The following FAM117B variants were observed in gnomAD, a reference collection of about 807,000 sequenced individuals.
The protein encoded by FAM117B is family with sequence similarity 117 member B.
In FAM117B, 22 loss-of-function variants were observed where a neutral mutation model predicts 52.8. That is an observed-to-expected ratio of 0.42 (90% confidence interval 0.30 to 0.59). The LOEUF (loss-of-function observed/expected upper bound fraction) is 0.59, where lower values mean the gene tolerates loss of function less well. Ranked by LOEUF, FAM117B falls within the 20% of genes least tolerant of loss-of-function variation. The pLI is 0.22. For synonymous variants in FAM117B, 309 were observed against 324.1 expected (o/e 0.95, Z 0.50); for missense variants, 678 against 802.6 (o/e 0.84, Z 1.88).
intron 4 of FAM117B, among the ~76,000 whole-genome samples, chr2:202,731,348 T>TATATATATAC: frequency 7.8e-6 from 1 of 128,802 alleles, no homozygotes; most frequent in Non-Finnish European, 1.7e-5. Flanking sequence ...TATATATATA[T>TATATATATAC]ATATATATAT....
rs543382614 is a variant in FAM117B at position 202,755,814 on chromosome 2, C to T, written c.1104+133C>T. 5.4e-5 allele frequency: 48 copies of T among 886,930 alleles called. No individual in the cohort carries two copies. In the Admixed American group the frequency reaches 1.3e-3, roughly 24 times the overall value. The allele number at this position is 886,930 out of a possible 1,614,324, so 54.9% of individuals were successfully genotyped here. On this transcript the variant is annotated intron_variant, in intron 5 of 7. Coordinates refer to ENST00000392238, the MANE Select transcript of FAM117B (RefSeq NM_173511.4). ...CAAAAATTTATCTCTTTTGAAAAAT[C>T]TTTGACCTGGGTGAGTGAATGAAAA...
chr2:202,639,375 A>G (rs554053101), intron 1 of FAM117B, among the ~76,000 whole-genome samples: 1 of 152,300 alleles, frequency 6.6e-6, no homozygotes, highest in South Asian at 2.1e-4. Flanking sequence ...TAATCCAAGC[A>G]CCCATCCCTG....
chr2:202,643,715 CTT>C (rs1689809130), intron 1 of FAM117B, among the ~76,000 whole-genome samples: 2 of 151,854 alleles, frequency 1.3e-5, no homozygotes, highest in African/African-American at 4.8e-5. Flanking sequence ...CTTTTTCTTT[CTT>C]TCTTTTTTTT....
chr2:202,657,868 A>AT lies in FAM117B; in HGVS notation c.601+22088dup, dbSNP rs554055781. Reference sequence around the variant, plus strand: ...TCTTAGTAATTCATTTAATTTATGTATTTTTTTTGACTCTTTGTATGTTTT... The same window carrying AT: ...TCTTAGTAATTCATTTAATTTATGTATTTTTTTTTGACTCTTTGTATGTTTT... On this transcript the variant is annotated intron_variant, in intron 1 of 7. Transcript: ENST00000392238. 2.7e-4 allele frequency among the ~76,000 whole-genome samples: 41 copies of AT among 151,384 alleles called. No individual in the cohort carries two copies. In the South Asian group the frequency reaches 3.1e-3, roughly 12 times the overall value.
intron 1 of FAM117B, among the ~76,000 whole-genome samples, chr2:202,664,405 C>T (rs1382688462): frequency 6.6e-6 from 1 of 152,140 alleles, no homozygotes; most frequent in East Asian, 1.9e-4. Context: ...GCTAATAGTG[C>T]TAGGTAGAAG....
chr2:202,705,264 C>T (rs1454110459), intron 2 of FAM117B, among the ~76,000 whole-genome samples: 1 of 151,712 alleles, frequency 6.6e-6, no homozygotes, highest in Non-Finnish European at 1.5e-5. Context: ...CAAGATAGTA[C>T]CATTGCACTC....
At chr2:202,695,090 A>G (rs1427658495) in intron 1 of FAM117B, among the ~76,000 whole-genome samples, 1 of 152,182 alleles carries the variant, frequency 6.6e-6, no homozygotes, top group East Asian at 1.9e-4. Context: ...TGAGAGATAC[A>G]TTGATTCTAT....
chr2:202,717,650 C>T (rs971181045), intron 2 of FAM117B, among the ~76,000 whole-genome samples: 7 of 152,186 alleles, frequency 4.6e-5, no homozygotes, highest in African/African-American at 1.4e-4. Flanking sequence ...CTGTTTCTTT[C>T]TCCCAAACAG....
intron 2 of FAM117B, among the ~76,000 whole-genome samples, chr2:202,724,443 C>T (rs769817739): frequency 1.2e-4 from 19 of 152,284 alleles, no homozygotes; most frequent in Non-Finnish European, 2.1e-4. Context: ...AGGTTTATTT[C>T]TTGGCTTTGC....
rs141162650 is a variant in FAM117B, at chr2:202,648,542, C to CAT, written c.601+12765_601+12766dup. On this transcript the variant is annotated intron_variant, in intron 1 of 7. Coordinates refer to ENST00000392238, the MANE Select transcript of FAM117B (RefSeq NM_173511.4). ...CACCCCCCCCCCAAAACAAAAAATA[C>CAT]ATATATATATATGTATGTATGTGTG... Among the ~76,000 whole-genome samples the CAT allele has an allele frequency of 6.1e-3, 733 of 120,076 alleles. 8 individuals are homozygous for CAT. Among genetic ancestry groups the CAT allele is most frequent in the African/African-American group, 0.019 (621 of 33,500 alleles). The allele number at this position is 120,076 out of a possible 152,430, so 78.8% of individuals were successfully genotyped here.
At chr2:202,743,896 G>A (rs1574578544) in intron 4 of FAM117B, among the ~76,000 whole-genome samples, 3 of 152,186 alleles carry the variant, frequency 2.0e-5, no homozygotes, top group Non-Finnish European at 2.9e-5. Context: ...AAGCAACCAA[G>A]TATTTGAGTT....
chr2:202,687,279 C>T (rs1690555759), intron 1 of FAM117B, among the ~76,000 whole-genome samples: 1 of 152,102 alleles, frequency 6.6e-6, no homozygotes, highest in African/African-American at 2.4e-5. Context: ...CAGAGTTTAC[C>T]TGGGTTCAAG....
chr2:202,679,110 T>C (rs1021265302), intron 1 of FAM117B, among the ~76,000 whole-genome samples: 1 of 152,202 alleles, frequency 6.6e-6, no homozygotes, highest in Non-Finnish European at 1.5e-5. Flanking sequence ...GATGGAGAAA[T>C]AGTCCCTTCT....
At chr2:202,757,166 T>A (rs773555860) in intron 5 of FAM117B, 47 bp from the exon 6 acceptor site, 1 of 1,558,082 alleles carries the variant, frequency 6.4e-7, no homozygotes, top group Non-Finnish European at 8.7e-7. Flanking sequence ...TGCTGGTGAT[T>A]CGAAATTAAT....
chr2:202,744,738 A>T (rs1383884497), intron 4 of FAM117B, among the ~76,000 whole-genome samples: 2 of 151,204 alleles, frequency 1.3e-5, no homozygotes, highest in African/African-American at 4.9e-5. Flanking sequence ...CTTTGGGAGT[A>T]CAAGGTGGGC....
At chr2:202,691,481 T>G (rs549866428) in intron 1 of FAM117B, among the ~76,000 whole-genome samples, 2 of 137,296 alleles carry the variant, frequency 1.5e-5, no homozygotes, top group South Asian at 5.3e-4. Context: ...GGTTGAAAAG[T>G]TAACCCTTAG....
At chr2:202,705,848 G>A (rs185220914) in intron 2 of FAM117B, among the ~76,000 whole-genome samples, 32 of 152,306 alleles carry the variant, frequency 2.1e-4, no homozygotes, top group Admixed American at 1.9e-3. Flanking sequence ...AGAAACTGTA[G>A]TGTGTATGTG....
intron 4 of FAM117B, among the ~76,000 whole-genome samples, chr2:202,736,491 T>A (rs957834817): frequency 6.6e-6 from 1 of 152,188 alleles, no homozygotes; most frequent in African/African-American, 2.4e-5. Context: ...CGCAGGGCAG[T>A]GGCTTAAGCC....
Position 202,768,826 on chromosome 2 carries a change from G to T in FAM117B, c.*3062G>T, listed in dbSNP as rs1692026410. ...ATTTCCATTGCATTAAAAGAAATGG[G>T]TAGCATGTGTCTTTCAGAGAAAGGA... On this transcript the variant is annotated 3_prime_UTR_variant, in exon 8 of 8. Transcript: ENST00000392238. The T allele has an allele frequency of 6.6e-6, 1 of 151,982 alleles. No homozygotes were observed. The allele number at this position is 151,982 out of a possible 1,614,324, so 9.4% of individuals were successfully genotyped here.
Sources: allele counts gnomAD v4.1 joint callset (sites outside exome capture counted in the v4.1 genomes callset), GRCh38; gene constraint gnomAD v4.1.1; transcripts MANE v1.5; gene names NCBI Gene and HGNC (gene_info 2026-07-23, HGNC 2026-07-21).